SPAG16: variants seen among roughly 807,000 people sequenced by gnomAD.
SPAG16 encodes sperm-associated antigen 16 protein.
A neutral mutation model predicts 80.4 loss-of-function variants in SPAG16; 86 were observed. The ratio of observed to expected loss-of-function variants is 1.07; its 90% CI spans 0.90 to 1.28. The LOEUF (loss-of-function observed/expected upper bound fraction) is 1.28, where lower values mean the gene tolerates loss of function less well. Among genes scored for constraint, SPAG16 ranks in the 50% most tolerant of loss-of-function variants. The probability of loss-of-function intolerance (pLI) is 0.00; values close to 1 mark genes in which losing one functional copy is unlikely to be tolerated. For missense variants in SPAG16, 870 were observed against 765.3 expected (o/e 1.14, Z -1.61); for synonymous variants, 294 against 265.9 (o/e 1.11, Z -1.03).
chr2:213,818,577 C>A (rs781018440), intron 10 of SPAG16, among the ~76,000 whole-genome samples: 1 of 152,114 alleles, frequency 6.6e-6, no homozygotes, highest in Non-Finnish European at 1.5e-5. Context: ...ATTGTTGGTT[C>A]ATTCCAGTGA....
intron 10 of SPAG16, among the ~76,000 whole-genome samples, chr2:213,492,537 G>A (rs1362769359): frequency 1.1e-4 from 17 of 151,876 alleles, no homozygotes; most frequent in South Asian, 2.1e-4. Flanking sequence ...GCGACAGAGC[G>A]AGACTCTGTC....
intron 10 of SPAG16, among the ~76,000 whole-genome samples, chr2:213,635,699 G>GA (rs879867571): frequency 1.3e-5 from 2 of 152,024 alleles, no homozygotes; most frequent in Admixed American, 6.5e-5. Flanking sequence ...TTGTGATTAT[G>GA]AAAAAAATTA....
chr2:213,742,620 C>T (rs1450916325), intron 10 of SPAG16, among the ~76,000 whole-genome samples: 1 of 144,726 alleles, frequency 6.9e-6, no homozygotes, highest in Non-Finnish European at 1.5e-5. Context: ...GGCGCAATCT[C>T]GCCTCACTGC....
chr2:213,791,481 G>A (rs10168515), intron 10 of SPAG16, among the ~76,000 whole-genome samples: 52,193 of 151,606 alleles, frequency 0.34, 9,543 homozygotes, highest in East Asian at 0.51. Context: ...TAATATTTAC[G>A]GAAGACTATT....
intron 15 of SPAG16, among the ~76,000 whole-genome samples, chr2:214,171,881 G>C (rs1223600149): frequency 6.6e-6 from 1 of 151,698 alleles, no homozygotes. Flanking sequence ...ATTTTATTGT[G>C]TATATTTGAG....
intron 10 of SPAG16, among the ~76,000 whole-genome samples, chr2:213,608,905 G>A (rs1018931862): frequency 6.6e-6 from 1 of 152,152 alleles, no homozygotes; most frequent in Non-Finnish European, 1.5e-5. Context: ...GGATGGTCTC[G>A]ATCTCCTGAC....
chr2:213,591,319 T>C (rs1348412342), intron 10 of SPAG16, among the ~76,000 whole-genome samples: 9 of 152,202 alleles, frequency 5.9e-5, no homozygotes, highest in Admixed American at 5.9e-4. Context: ...TTCACACTTC[T>C]AGAAACACTT....
chr2:214,141,372 C>T (rs2055349767), intron 14 of SPAG16, among the ~76,000 whole-genome samples: 1 of 151,482 alleles, frequency 6.6e-6, no homozygotes, highest in Non-Finnish European at 1.5e-5. Context: ...GAGGCTGAGG[C>T]AGGAGAATCA....
At chr2:214,265,310 A>G (rs1691479035) in intron 15 of SPAG16, among the ~76,000 whole-genome samples, 1 of 151,824 alleles carries the variant, frequency 6.6e-6, no homozygotes, top group African/African-American at 2.4e-5. Flanking sequence ...ATCAGTGTAC[A>G]GTAGTATCTC....
chr2:214,059,216 G>GTGTATA (rs1416644778), intron 13 of SPAG16, among the ~76,000 whole-genome samples: 1 of 66,998 alleles, frequency 1.5e-5, no homozygotes, highest in Non-Finnish European at 3.0e-5. Flanking sequence ...ATATATATAT[G>GTGTATA]TATGTGTATA....
intron 10 of SPAG16, among the ~76,000 whole-genome samples, chr2:213,757,185 GAA>G (rs1398670528): frequency 1.3e-5 from 2 of 152,054 alleles, no homozygotes; most frequent in African/African-American, 4.8e-5. Context: ...CTTGTTCTCT[GAA>G]AACTACAAAC....
intron 13 of SPAG16, among the ~76,000 whole-genome samples, chr2:214,107,217 C>A (rs16851494): frequency 0.088 from 13,332 of 152,134 alleles, 772 homozygotes; most frequent in East Asian, 0.29. Flanking sequence ...GCCTTTATCA[C>A]AAAATGCCCA....
intron 13 of SPAG16, among the ~76,000 whole-genome samples, chr2:214,018,807 T>C (rs2047716642): frequency 6.6e-6 from 1 of 152,150 alleles, no homozygotes; most frequent in East Asian, 1.9e-4. Flanking sequence ...TATAAATTAG[T>C]TTTAAACCTC....
intron 13 of SPAG16, among the ~76,000 whole-genome samples, chr2:214,079,647 A>G (rs1052326441): frequency 6.6e-6 from 1 of 152,180 alleles, no homozygotes; most frequent in Non-Finnish European, 1.5e-5. Context: ...CCAGCTAAGA[A>G]GTTTTCTACC....
chr2:214,125,899 G>C (rs1400248519), intron 14 of SPAG16, among the ~76,000 whole-genome samples: 4 of 151,510 alleles, frequency 2.6e-5, no homozygotes, highest in Admixed American at 6.8e-5. Context: ...ATGAAGAATG[G>C]ACAATCACGT....
At chr2:213,422,405 G>A in intron 9 of SPAG16, 1 of 649,642 alleles carries the variant, frequency 1.5e-6, no homozygotes, top group South Asian at 1.7e-5. Context: ...ATGCCTGGCT[G>A]TGCACAGTGG....
intron 15 of SPAG16, among the ~76,000 whole-genome samples, chr2:214,392,839 C>A (rs1447386523): frequency 1.3e-5 from 2 of 152,000 alleles, no homozygotes; most frequent in Non-Finnish European, 1.5e-5. Context: ...TAACACTGAA[C>A]CTAGAATTGT....
At chr2:213,903,465 C>T (rs2077303720) in intron 11 of SPAG16, among the ~76,000 whole-genome samples, 1 of 152,174 alleles carries the variant, frequency 6.6e-6, no homozygotes, top group Non-Finnish European at 1.5e-5. Context: ...GGCCCAAGCT[C>T]TACGTTGGCC....
intron 10 of SPAG16, among the ~76,000 whole-genome samples, chr2:213,860,869 T>A (rs1355298883): frequency 6.6e-6 from 1 of 152,184 alleles, no homozygotes; most frequent in Non-Finnish European, 1.5e-5. Context: ...TGAGCCAACA[T>A]ACATCATACT....
Sources: allele counts gnomAD v4.1 joint callset (sites outside exome capture counted in the v4.1 genomes callset), GRCh38; gene constraint gnomAD v4.1.1; transcripts MANE v1.5; gene names NCBI Gene and HGNC (gene_info 2026-07-23, HGNC 2026-07-21).